The following NCKAP5 variants were observed in gnomAD, a reference collection of about 807,000 sequenced individuals.
NCKAP5 encodes nck-associated protein 5.
NCKAP5 carries 92 observed loss-of-function variants against 167.0 expected under a neutral mutation model. The ratio of observed to expected loss-of-function variants is 0.55; its 90% confidence interval spans 0.47 to 0.66. The LOEUF is 0.66. Among genes scored for constraint, NCKAP5 ranks in the 30% least tolerant of loss-of-function variants. The pLI is 0.00. For missense variants in NCKAP5, 2,378 were observed against 2,315.0 expected (o/e 1.03, Z -0.56); for synonymous variants, 891 against 877.4 (o/e 1.02, Z -0.27).
intron 8 of NCKAP5, among the ~76,000 whole-genome samples, chr2:132,910,794 G>A (rs1422482005): frequency 6.6e-6 from 1 of 152,096 alleles, no homozygotes; most frequent in East Asian, 1.9e-4. Flanking sequence ...AAGCTTATAT[G>A]TATAAGCTTT....
intron 8 of NCKAP5, among the ~76,000 whole-genome samples, chr2:132,952,014 G>C (rs2076203075): frequency 6.6e-6 from 1 of 152,152 alleles, no homozygotes; most frequent in African/African-American, 2.4e-5. Flanking sequence ...TTACTTTGTA[G>C]AGTAAGGATT....
intron 11 of NCKAP5, among the ~76,000 whole-genome samples, chr2:132,821,690 G>GCTCACAGTC (rs1686748527): frequency 2.0e-5 from 3 of 152,138 alleles, no homozygotes; most frequent in African/African-American, 7.2e-5. Flanking sequence ...CAAAGTGTGA[G>GCTCACAGTC]TGGGGAACTG....
At chr2:133,563,817 G>A (rs942619901) in intron 1 of NCKAP5, among the ~76,000 whole-genome samples, 1 of 152,072 alleles carries the variant, frequency 6.6e-6, no homozygotes, top group Admixed American at 6.6e-5. Flanking sequence ...TATCCAGAAA[G>A]CGGTAAAATG....
intron 6 of NCKAP5, among the ~76,000 whole-genome samples, chr2:133,125,987 A>G (rs1200178748): frequency 6.6e-6 from 1 of 152,142 alleles, no homozygotes; most frequent in Admixed American, 6.5e-5. Flanking sequence ...ATTTGTATAG[A>G]TTTTTATCAC....
At chr2:133,292,477 G>A (rs1340128713) in intron 4 of NCKAP5, among the ~76,000 whole-genome samples, 1 of 152,090 alleles carries the variant, frequency 6.6e-6, no homozygotes, top group Non-Finnish European at 1.5e-5. Context: ...TCTACAAAAT[G>A]CCTTTTGCTT....
intron 8 of NCKAP5, among the ~76,000 whole-genome samples, chr2:132,905,133 C>T (rs1693910260): frequency 6.6e-6 from 1 of 152,126 alleles, no homozygotes; most frequent in South Asian, 2.1e-4. Flanking sequence ...CTTTAATCCA[C>T]ATAGGATTTA....
chr2:132,811,403 G>T lies in NCKAP5; in HGVS notation c.808-14674C>A, dbSNP rs375143059. 2.0e-4 allele frequency among the ~76,000 whole-genome samples: 30 copies of T among 152,206 alleles called. No individual in the cohort carries two copies. In the South Asian group the frequency reaches 5.8e-3, roughly 30 times the overall value. Reference sequence around the variant, plus strand: ...GACCATCAAGTGGGGGTGGGGCTAGGCATGTCTGAGCTCAGGCTCTCCTTG... The same window carrying T: ...GACCATCAAGTGGGGGTGGGGCTAGTCATGTCTGAGCTCAGGCTCTCCTTG... On this transcript the variant is annotated intron_variant, in intron 11 of 19. Coordinates refer to ENST00000409261, the MANE Select transcript of NCKAP5 (RefSeq NM_207363.3).
the NCKAP5 span, among the ~76,000 whole-genome samples, chr2:133,601,665 G>A: frequency 0.011 from 1,600 of 152,258 alleles, 21 homozygotes; most frequent in Middle Eastern, 0.024. Context: ...CCCTGGAGGC[G>A]GAGGTTGCAG....
intron 3 of NCKAP5, among the ~76,000 whole-genome samples, chr2:133,415,761 C>T (rs1689073062): frequency 6.6e-6 from 1 of 152,226 alleles, no homozygotes; most frequent in East Asian, 1.9e-4. Flanking sequence ...ACCACACATC[C>T]CCTATCTGTA....
chr2:133,512,395 C>A (rs1683569184), intron 3 of NCKAP5, among the ~76,000 whole-genome samples: 1 of 152,150 alleles, frequency 6.6e-6, no homozygotes, highest in South Asian at 2.1e-4. Flanking sequence ...ACAGGACTTT[C>A]AAAATTCCCA....
intron 6 of NCKAP5, among the ~76,000 whole-genome samples, chr2:133,026,990 C>T (rs569950352): frequency 1.3e-4 from 20 of 152,272 alleles, no homozygotes; most frequent in African/African-American, 4.6e-4. Context: ...CATTCCAATG[C>T]GCCCTTACAA....
chr2:132,734,419 T>C (rs555868467), intron 16 of NCKAP5, among the ~76,000 whole-genome samples: 1 of 152,288 alleles, frequency 6.6e-6, no homozygotes, highest in African/African-American at 2.4e-5. Context: ...CAGAACCGAC[T>C]CAGTCTTTGA....
At chr2:133,113,251 A>G (rs1267845258) in intron 6 of NCKAP5, among the ~76,000 whole-genome samples, 1 of 151,958 alleles carries the variant, frequency 6.6e-6, no homozygotes, top group African/African-American at 2.4e-5. Context: ...TTAATTCTAC[A>G]AAACAGATGG....
At chr2:132,754,892 A>T (rs960880026) in intron 16 of NCKAP5, among the ~76,000 whole-genome samples, 2 of 152,240 alleles carry the variant, frequency 1.3e-5, no homozygotes, top group Non-Finnish European at 2.9e-5. Context: ...TCAGAAAATG[A>T]TGTAAAGAAG....
rs769504096 is a variant in NCKAP5, at chr2:132,783,465, T to G, written c.3346A>C (p.Ser1116Arg). ...GVNESPSSQV[S>R]SSSSSSSPAK... ...GGTGATGAGGATGATGAGGAACTGCTGACCTGAGATGATGGTGACTCATTT... is the reference window on the plus strand; with the variant it reads ...GGTGATGAGGATGATGAGGAACTGCGGACCTGAGATGATGGTGACTCATTT... Residue 1116 changes from serine to arginine, a missense_variant, in exon 14 of 20, where the codon AGC becomes CGC. By Grantham distance (110) the Ser-to-Arg change is moderately radical. Around this residue, in one of 3 missense-constraint regions of NCKAP5, gnomAD observed 1,325 missense variants for 1,274.5 expected, o/e 1.04. Coordinates refer to ENST00000409261, the MANE Select transcript of NCKAP5 (RefSeq NM_207363.3). The G allele has an allele frequency of 6.3e-7, 1 of 1,591,504 alleles. No homozygotes were observed.
rs113987018 is a variant in NCKAP5, at chr2:133,378,889, T to A, written c.70-75779A>T. On this transcript the variant is annotated intron_variant, in intron 3 of 19. Transcript: ENST00000409261. ...GGAATGATTGTGGAGCGGTGACTTG[T>A]TAAGGAGCTTACCCTGCCAATGTGT... 3.3e-3 allele frequency among the ~76,000 whole-genome samples: 502 copies of A among 152,314 alleles called. 7 individuals carry two copies. The highest frequency in any genetic ancestry group is 0.011 in the African/African-American group (459 of 41,580).
chr2:133,562,910 T>C (rs922706812), intron 1 of NCKAP5, among the ~76,000 whole-genome samples: 6 of 152,342 alleles, frequency 3.9e-5, no homozygotes, highest in African/African-American at 1.4e-4. Flanking sequence ...GAGAGATTTA[T>C]TATTTCATCT....
intron 3 of NCKAP5, among the ~76,000 whole-genome samples, chr2:133,303,930 G>C (rs1302192578): frequency 6.6e-6 from 1 of 152,026 alleles, no homozygotes; most frequent in East Asian, 1.9e-4. Flanking sequence ...AAATTCTTTT[G>C]TATTGTTTTC....
At chr2:132,742,406 G>A (rs1270398835) in intron 16 of NCKAP5, among the ~76,000 whole-genome samples, 3 of 151,882 alleles carry the variant, frequency 2.0e-5, no homozygotes, top group African/African-American at 4.8e-5. Flanking sequence ...AAACCAGGAA[G>A]CATGGGGAAA....
Sources: gnomAD v4.1 joint callset for allele counts (sites outside exome capture counted in the v4.1 genomes callset) on GRCh38, gnomAD v4.1.1 for gene constraint, gnomAD v4.1.1 regional missense constraint, MANE v1.5 for transcripts, NCBI Gene and HGNC (gene_info 2026-07-23, HGNC 2026-07-21) for gene names.